PTGER4: variants seen among roughly 807,000 people sequenced by gnomAD.
The protein encoded by PTGER4 is prostaglandin E2 receptor EP4 subtype.
Under a neutral mutation model 33.2 loss-of-function variants are expected in PTGER4, and 11 were observed. The ratio of observed to expected loss-of-function variants is 0.33; its 90% CI spans 0.21 to 0.55. PTGER4 has a LOEUF of 0.55. Ranked by LOEUF, PTGER4 falls within the 20% of genes least tolerant of loss-of-function variation. The pLI, the probability that PTGER4 is intolerant of heterozygous loss-of-function variation, is 0.92. For synonymous variants in PTGER4, 275 were observed against 281.5 expected, an observed-to-expected ratio of 0.98 and a Z score of 0.23; for missense variants, 481 against 650.2, an observed-to-expected ratio of 0.74 and a Z score of 2.83.
the PTGER4 span, among the ~76,000 whole-genome samples, chr5:40,738,908 C>T: frequency 6.6e-6 from 1 of 152,112 alleles, no homozygotes; most frequent in Non-Finnish European, 1.5e-5. Flanking sequence ...TGTCTTCTTC[C>T]TACTGAGTTG....
At position 40,691,642 on chromosome 5, in the gene PTGER4, A is replaced by G; in HGVS notation, c.868-137A>G. 2 of 1,244,154 alleles carry G rather than the reference A, an allele frequency of 1.6e-6. No homozygotes were observed. Among genetic ancestry groups the G allele is most frequent in the South Asian group, 3.1e-5 (2 of 63,902 alleles). The allele number at this position is 1,244,154 out of a possible 1,614,324, so 77.1% of individuals were successfully genotyped here. A position where few individuals can be genotyped will look rare whatever the true frequency, so the allele number is the denominator to read the frequency against. On this transcript the variant is annotated intron_variant, in intron 2 of 2. Coordinates refer to ENST00000302472, the MANE Select transcript of PTGER4 (RefSeq NM_000958.3). This position sits in a 1 kb window ranked among gnomAD's most constrained non-coding sequence, Gnocchi z 4.2. Reference sequence around the variant, plus strand: ...ATGACTGGTTTTTCTGAGGCTTATTATGTAGCTTCCTCTTTTCCTGGAACT... The same window carrying G: ...ATGACTGGTTTTTCTGAGGCTTATTGTGTAGCTTCCTCTTTTCCTGGAACT...
At chr5:40,719,542 T>C in the PTGER4 span, among the ~76,000 whole-genome samples, 1 of 152,244 alleles carries the variant, frequency 6.6e-6, no homozygotes, top group Non-Finnish European at 1.5e-5. Flanking sequence ...TGGACATATG[T>C]CTTCATTTCT....
At chr5:40,708,035 T>C in the PTGER4 span, among the ~76,000 whole-genome samples, 1 of 152,174 alleles carries the variant, frequency 6.6e-6, no homozygotes, top group South Asian at 2.1e-4. Flanking sequence ...TAAAGCAGTG[T>C]GTAGAGGGAA....
chr5:40,707,231 C>T, the PTGER4 span, among the ~76,000 whole-genome samples: 1 of 152,114 alleles, frequency 6.6e-6, no homozygotes, highest in Non-Finnish European at 1.5e-5. Context: ...AGACACCGGA[C>T]TGGCAAATTG....
the PTGER4 span, among the ~76,000 whole-genome samples, chr5:40,702,318 G>A: frequency 6.6e-6 from 1 of 152,090 alleles, no homozygotes; most frequent in Non-Finnish European, 1.5e-5. Flanking sequence ...TCAAAATAAG[G>A]GATGGAGAAA....
the PTGER4 span, chr5:40,728,325 T>C: frequency 3.0e-6 from 4 of 1,324,742 alleles, no homozygotes; most frequent in Non-Finnish European, 4.1e-6. Flanking sequence ...TTCTGCATTA[T>C]AATAATCTGA....
At chr5:40,738,723 T>G in the PTGER4 span, among the ~76,000 whole-genome samples, 2 of 152,148 alleles carry the variant, frequency 1.3e-5, no homozygotes, top group African/African-American at 2.4e-5. Flanking sequence ...ACTGTCAATC[T>G]TTTCAATGTT....
the PTGER4 span, among the ~76,000 whole-genome samples, chr5:40,745,594 A>C: frequency 6.6e-6 from 1 of 151,724 alleles, no homozygotes; most frequent in Non-Finnish European, 1.5e-5. Context: ...GCAGAGTCAC[A>C]CCTCATCGTA....
the PTGER4 span, among the ~76,000 whole-genome samples, chr5:40,725,843 T>C: frequency 4.6e-3 from 689 of 149,722 alleles, 6 homozygotes; most frequent in African/African-American, 0.016. Flanking sequence ...TGGAGTGCAG[T>C]GGCGCGATCT....
At chr5:40,699,005 T>C in the PTGER4 span, among the ~76,000 whole-genome samples, 1 of 152,156 alleles carries the variant, frequency 6.6e-6, no homozygotes, top group Non-Finnish European at 1.5e-5. Flanking sequence ...AATGTACCCA[T>C]GGCCACCCAT....
chr5:40,717,179 A>G, the PTGER4 span, among the ~76,000 whole-genome samples: 1 of 149,644 alleles, frequency 6.7e-6, no homozygotes, highest in Admixed American at 6.8e-5. Context: ...CAGTGAGTTG[A>G]GATCACGCCA....
In PTGER4 at chr5:40,692,252, C is replaced by G. The variant is rs1208407299; in HGVS notation, c.1341C>G (p.Asp447Glu). The change falls in exon 3 of 3, where the codon GAC (aspartate) becomes GAG (glutamate). Residue 447 changes from aspartate (D) to glutamate (E), a missense_variant. Coordinates refer to ENST00000302472, the MANE Select transcript of PTGER4 (RefSeq NM_000958.3). ...CCTCAGACTCTTCACAGGGTCAGGACTCAGAGAGTGTCTTACTGGTGGATG... is the reference window on the plus strand; with the variant it reads ...CCTCAGACTCTTCACAGGGTCAGGAGTCAGAGAGTGTCTTACTGGTGGATG... ...SETSDSSQGQ[D>E]SESVLLVDEA... 1 of 1,614,232 alleles carries G rather than the reference C, an allele frequency of 6.2e-7. No individual in the cohort carries two copies. The highest frequency in any genetic ancestry group is 1.7e-5 in the Admixed American group (1 of 60,026).
At chr5:40,721,665 A>T in the PTGER4 span, among the ~76,000 whole-genome samples, 1 of 151,744 alleles carries the variant, frequency 6.6e-6, no homozygotes, top group Admixed American at 6.6e-5. Context: ...GAGTCTTATG[A>T]CTCCTACAAA....
chr5:40,718,232 C>T, the PTGER4 span, among the ~76,000 whole-genome samples: 7 of 151,700 alleles, frequency 4.6e-5, no homozygotes, highest in African/African-American at 1.5e-4. Flanking sequence ...GACAAAACCC[C>T]GTCTCTACTA....
At chr5:40,732,455 A>T in the PTGER4 span, among the ~76,000 whole-genome samples, 1 of 151,590 alleles carries the variant, frequency 6.6e-6, no homozygotes, top group Non-Finnish European at 1.5e-5. Context: ...TTCTGTAACT[A>T]TATCAAGTAT....
chr5:40,704,208 A>G, the PTGER4 span, among the ~76,000 whole-genome samples: 1 of 152,184 alleles, frequency 6.6e-6, no homozygotes, highest in Admixed American at 6.6e-5. Context: ...AACGTGATTC[A>G]TCACATACAG....
At chr5:40,739,500 C>G in the PTGER4 span, among the ~76,000 whole-genome samples, 2 of 152,128 alleles carry the variant, frequency 1.3e-5, no homozygotes, top group African/African-American at 2.4e-5. Context: ...AGGTTTCCCT[C>G]TTGGTACTGT....
the PTGER4 span, among the ~76,000 whole-genome samples, chr5:40,700,085 CAAAT>C: frequency 3.3e-5 from 5 of 152,136 alleles, no homozygotes; most frequent in Non-Finnish European, 7.4e-5. Context: ...ATGTAGCTAA[CAAAT>C]GAATTCATCA....
At chr5:40,701,042 C>G in the PTGER4 span, among the ~76,000 whole-genome samples, 1 of 140,812 alleles carries the variant, frequency 7.1e-6, no homozygotes, top group Non-Finnish European at 1.6e-5. Context: ...TGACTGTACT[C>G]AATCTACACT....
Sources: allele counts gnomAD v4.1 joint callset (sites outside exome capture counted in the v4.1 genomes callset), GRCh38; gene constraint gnomAD v4.1.1; non-coding constraint Gnocchi (gnomAD v3.1); transcripts MANE v1.5; gene names NCBI Gene and HGNC (gene_info 2026-07-23, HGNC 2026-07-21).